The following POTEJ variants were observed in gnomAD, a reference collection of about 807,000 sequenced individuals.
POTEJ encodes POTE ankyrin domain family member J.
Under a neutral mutation model 69.0 loss-of-function variants are expected in POTEJ, and 11 were observed. The observed-to-expected ratio is 0.16, with a 90% CI of 0.10 to 0.26. The LOEUF (loss-of-function observed/expected upper bound fraction) is 0.26. Among genes scored for constraint, POTEJ ranks in the 10% least tolerant of loss-of-function variants. The probability of loss-of-function intolerance (pLI) is 1.00; values close to 1 mark genes in which losing one functional copy is unlikely to be tolerated. For missense variants in POTEJ, 327 were observed against 1,045.5 expected, an observed-to-expected ratio of 0.31 and a Z score of 9.48; for synonymous variants, 117 against 381.1, an observed-to-expected ratio of 0.31 and a Z score of 8.07.
At chr2:130,641,946 T>C (rs1407373215) in intron 10 of POTEJ, among the ~76,000 whole-genome samples, 1 of 152,138 alleles carries the variant, frequency 6.6e-6, no homozygotes, top group Non-Finnish European at 1.5e-5. Flanking sequence ...TGAAGATGAA[T>C]ATCAGAGTTG....
intron 9 of POTEJ, among the ~76,000 whole-genome samples, chr2:130,638,225 A>G (rs1230152803): frequency 6.6e-6 from 1 of 151,422 alleles, no homozygotes; most frequent in Non-Finnish European, 1.5e-5. Flanking sequence ...TTAAATCATT[A>G]TAACAACCTA....
In POTEJ at chr2:130,631,075, A is replaced by G. The variant is rs1238547506; in HGVS notation, c.1087-334A>G. Among the ~76,000 whole-genome samples the G allele has an allele frequency of 1.4e-5, 2 of 143,370 alleles. 1 individual carries two copies. The highest frequency in any genetic ancestry group is 3.0e-5 in the Non-Finnish European group (2 of 66,010). The allele number at this position is 143,370 out of a possible 152,430, so 94.1% of individuals were successfully genotyped here. On this transcript the variant is annotated intron_variant, in intron 7 of 14. Coordinates refer to ENST00000409602, the MANE Select transcript of POTEJ (RefSeq NM_001277083.2). Reference sequence around the variant, plus strand: ...TCATCTGCTGATTCATTTTTGGTAGATTTAACACATAACAAGTTTAGTCCA... The same window carrying G: ...TCATCTGCTGATTCATTTTTGGTAGGTTTAACACATAACAAGTTTAGTCCA...
intron 10 of POTEJ, among the ~76,000 whole-genome samples, chr2:130,642,124 T>C (rs1686404144): frequency 6.7e-6 from 1 of 149,682 alleles, no homozygotes; most frequent in African/African-American, 2.5e-5. Flanking sequence ...CAAAATGTGC[T>C]TTGTGTTTTT....
intron 3 of POTEJ, among the ~76,000 whole-genome samples, chr2:130,618,929 A>AT (rs1222920918): frequency 1.0e-3 from 125 of 120,604 alleles, no homozygotes; most frequent in South Asian, 6.6e-3. Flanking sequence ...TATTTTTTTT[A>AT]TTTTTTTTTA....
intron 11 of POTEJ, among the ~76,000 whole-genome samples, chr2:130,644,593 A>G (rs1686519028): frequency 6.6e-6 from 1 of 152,130 alleles, no homozygotes; most frequent in Non-Finnish European, 1.5e-5. Context: ...AACATAACCC[A>G]CTATAAAATT....
At chr2:130,648,782 T>TTTTG (rs1491180328) in intron 13 of POTEJ, among the ~76,000 whole-genome samples, 1 of 52,962 alleles carries the variant, frequency 1.9e-5, no homozygotes, top group African/African-American at 1.1e-4. Flanking sequence ...TTTCTCATAG[T>TTTTG]TTTTTTTTTT....
rs1250260144 is a variant in POTEJ at position 130,626,541 on chromosome 2, A to G, written c.1015+2407A>G. On this transcript the variant is annotated intron_variant, in intron 6 of 14. Coordinates refer to ENST00000409602, the MANE Select transcript of POTEJ (RefSeq NM_001277083.2). ...CTGCTGTTGTAGTGTGAAAGCCACC[A>G]TGATTATATGTAAGCAAACAGGCAT... Among the ~76,000 whole-genome samples the G allele has an allele frequency of 2.6e-5, 4 of 151,924 alleles. No individual in the cohort carries two copies. The East Asian group carries it at 5.8e-4, about 22-fold the overall frequency.
intron 6 of POTEJ, among the ~76,000 whole-genome samples, chr2:130,624,944 A>G (rs1416850476): frequency 1.3e-5 from 2 of 152,162 alleles, no homozygotes; most frequent in Admixed American, 1.3e-4. Flanking sequence ...ACCATTTGCC[A>G]AAAGATTGTC....
intron 9 of POTEJ, among the ~76,000 whole-genome samples, chr2:130,636,481 A>G (rs1367854323): frequency 1.4e-5 from 2 of 141,242 alleles, no homozygotes; most frequent in Non-Finnish European, 3.1e-5. Flanking sequence ...TTTGTATTAG[A>G]AAAAAAAAAA....
chr2:130,630,824 T>G (rs1685870321), intron 7 of POTEJ, among the ~76,000 whole-genome samples: 2 of 145,290 alleles, frequency 1.4e-5, no homozygotes, highest in African/African-American at 5.4e-5. Flanking sequence ...GCAGATAATC[T>G]GGATACATAA....
chr2:130,624,767 C>A (rs1167321908), intron 6 of POTEJ, among the ~76,000 whole-genome samples: 1 of 152,058 alleles, frequency 6.6e-6, no homozygotes, highest in East Asian at 1.9e-4. Flanking sequence ...AAGCACAAGT[C>A]ATGTTACATA....
intron 9 of POTEJ, among the ~76,000 whole-genome samples, chr2:130,637,332 T>A (rs1289919051): frequency 6.6e-6 from 1 of 150,704 alleles, no homozygotes; most frequent in East Asian, 1.9e-4. Context: ...ATTTTATTTT[T>A]TTGAGATGGA....
chr2:130,651,850 A>G (rs1050283994), intron 13 of POTEJ, among the ~76,000 whole-genome samples: 2 of 145,624 alleles, frequency 1.4e-5, no homozygotes, highest in African/African-American at 5.2e-5. Flanking sequence ...CTATATTTTG[A>G]CTGAATAGGT....
chr2:130,618,696 A>T (rs1436731815), intron 3 of POTEJ, among the ~76,000 whole-genome samples: 1 of 135,348 alleles, frequency 7.4e-6, no homozygotes, highest in East Asian at 2.0e-4. Flanking sequence ...TATGTCTCAG[A>T]AACTTAAGGT....
chr2:130,655,602 A>G (rs1429860870), intron 14 of POTEJ, among the ~76,000 whole-genome samples: 5 of 152,190 alleles, frequency 3.3e-5, no homozygotes, highest in Non-Finnish European at 1.5e-5. Flanking sequence ...CTGGAGAAAT[A>G]GTTCAGTATA....
chr2:130,644,220 CA>C (rs1686500286), intron 11 of POTEJ, among the ~76,000 whole-genome samples, 167 bp downstream of exon 11: 1 of 140,094 alleles, frequency 7.1e-6, no homozygotes, highest in African/African-American at 2.7e-5. Flanking sequence ...CCTGTAATCC[CA>C]GCACTTTGAG....
In POTEJ at chr2:130,647,662, TCA is replaced by T. The variant is rs1290068033; in HGVS notation, c.1667+1353_1667+1354del. ...TCTGGGCTCTAGTGATCCTCTGACC[TCA>T]GTCTCTACTAGCTGAGACCACAGGT... On this transcript the variant is annotated intron_variant, in intron 13 of 14. Transcript: ENST00000409602. 2.0e-5 allele frequency among the ~76,000 whole-genome samples: 3 copies of T among 149,664 alleles called. No individual in the cohort carries two copies. In the East Asian group the frequency reaches 5.9e-4, roughly 29 times the overall value.
chr2:130,648,806 TTTTTAA>T (rs1686692045), intron 13 of POTEJ, among the ~76,000 whole-genome samples: 2 of 73,996 alleles, frequency 2.7e-5, no homozygotes, highest in African/African-American at 1.2e-4. Context: ...TTTTTTTTTT[TTTTTAA>T]GACAGAGTCT....
At chr2:130,637,267 A>C (rs79255679) in intron 9 of POTEJ, among the ~76,000 whole-genome samples, 27 of 151,496 alleles carry the variant, frequency 1.8e-4, no homozygotes, top group East Asian at 3.9e-4. Context: ...TCATAATTGT[A>C]ATTATGGTAA....
Sources: allele counts gnomAD v4.1 joint callset (sites outside exome capture counted in the v4.1 genomes callset), GRCh38; gene constraint gnomAD v4.1.1; transcripts MANE v1.5; gene names NCBI Gene and HGNC (gene_info 2026-07-23, HGNC 2026-07-21).